The following ARID3A variants were observed in gnomAD, a reference collection of about 807,000 sequenced individuals.
The protein encoded by ARID3A is AT-rich interactive domain-containing protein 3A.
Under a neutral mutation model 52.7 loss-of-function variants are expected in ARID3A, and 11 were observed. The ratio of observed to expected loss-of-function variants is 0.21; its 90% CI spans 0.13 to 0.35. The LOEUF is 0.35. Among genes scored for constraint, ARID3A ranks in the 10% least tolerant of loss-of-function variants. The pLI, the probability that ARID3A is intolerant of heterozygous loss-of-function variation, is 1.00. For missense variants in ARID3A, 721 were observed against 838.5 expected, an observed-to-expected ratio of 0.86 and a Z score of 1.73; for synonymous variants, 404 against 359.4, an observed-to-expected ratio of 1.12 and a Z score of -1.40.
intron 7 of ARID3A, among the ~76,000 whole-genome samples, chr19:967,902 G>A (rs1470485612): frequency 6.6e-5 from 10 of 151,152 alleles, no homozygotes; most frequent in Admixed American, 5.9e-4. Flanking sequence ...AAAATTAGCC[G>A]GGTGTGCTGG....
Position 975,464 on chromosome 19 carries a change from A to C in ARID3A, c.*3399A>C, listed in dbSNP as rs1263637193. On this transcript the variant is annotated 3_prime_UTR_variant, in exon 9 of 9. Transcript: ENST00000263620. ...TACCCACCTTGTCCCTTTTTTCCCCAATTGTGCTTTTGCATTTTTTTCCTT... is the reference window on the plus strand; with the variant it reads ...TACCCACCTTGTCCCTTTTTTCCCCCATTGTGCTTTTGCATTTTTTTCCTT... 4 of 228,900 alleles carry C rather than the reference A, an allele frequency of 1.7e-5. No individual in the cohort carries two copies. Among genetic ancestry groups the C allele is most frequent in the Non-Finnish European group, 3.5e-5 (4 of 115,432 alleles). 14.2% of individuals were successfully genotyped at this position (228,900 alleles called of 1,614,324 possible). A position where few individuals can be genotyped will look rare whatever the true frequency, so the allele number is the denominator to read the frequency against.
At chr19:936,917 C>G (rs1458147570) in intron 3 of ARID3A, among the ~76,000 whole-genome samples, 1 of 152,092 alleles carries the variant, frequency 6.6e-6, no homozygotes, top group Non-Finnish European at 1.5e-5. Context: ...CAGCCCCTGG[C>G]AACCACACAT....
chr19:963,428 C>T (rs1330414557), intron 4 of ARID3A, among the ~76,000 whole-genome samples: 2 of 152,226 alleles, frequency 1.3e-5, no homozygotes, highest in Admixed American at 6.5e-5. Flanking sequence ...GTGGGTCTTG[C>T]CTACTGTCAG....
At position 947,330 on chromosome 19, in the gene ARID3A, C is replaced by T. The variant is rs967193269; in HGVS notation, c.694-12762C>T. Among the ~76,000 whole-genome samples the T allele has an allele frequency of 2.0e-5, 3 of 152,158 alleles. No individual in the cohort carries two copies. Among genetic ancestry groups the T allele is most frequent in the Non-Finnish European group, 2.9e-5 (2 of 68,026 alleles). On this transcript the variant is annotated intron_variant, in intron 3 of 8. Transcript: ENST00000263620. This position sits in a 1 kb window ranked among gnomAD's most constrained non-coding sequence, Gnocchi z 6.3. ...CCCAGATTTCCACGTCATATCTCGC[C>T]GCCATGGGGCTGCCTCCTGCCTCCT... is the stretch of plus-strand genomic sequence containing the variant.
chr19:929,388 CTGCACT>C lies in ARID3A; in HGVS notation c.-140_-135del. On this transcript the variant is annotated 5_prime_UTR_variant, in exon 2 of 9. Transcript: ENST00000263620. This position sits in a 1 kb window ranked among gnomAD's most constrained non-coding sequence, Gnocchi z 6.2. ...GCCCCCGCCCCCGCCCCCTGCCACC[CTGCACT>C]GCCCCGGCTCCCCCGCGGCCCCCAC... 3 of 895,024 alleles carry C rather than the reference CTGCACT, an allele frequency of 3.4e-6. No individual in the cohort carries two copies. The highest frequency in any genetic ancestry group is 4.3e-6 in the Non-Finnish European group (3 of 694,432). 55.4% of individuals were successfully genotyped at this position (895,024 alleles called of 1,614,324 possible). A position where few individuals can be genotyped will look rare whatever the true frequency, so the allele number is the denominator to read the frequency against.
At chr19:962,315 G>T (rs983901240) in intron 4 of ARID3A, among the ~76,000 whole-genome samples, 1 of 151,994 alleles carries the variant, frequency 6.6e-6, no homozygotes, top group Non-Finnish European at 1.5e-5. Context: ...TGAGGGAGGG[G>T]TCCTGACCAC....
intron 3 of ARID3A, among the ~76,000 whole-genome samples, chr19:945,293 A>T (rs929167988): frequency 6.6e-6 from 1 of 152,202 alleles, no homozygotes; most frequent in African/African-American, 2.4e-5. Flanking sequence ...GAAGGAGTGC[A>T]GCTCTTGTGA....
rs560847999 is a variant in ARID3A at position 960,019 on chromosome 19, C to T, written c.694-73C>T. ...GCTCCTGTCCTCCTGACCTGGCCTCCAGTGCAGGAGGGACATGGTTCCCAC... is the reference window on the plus strand; with the variant it reads ...GCTCCTGTCCTCCTGACCTGGCCTCTAGTGCAGGAGGGACATGGTTCCCAC... On this transcript the variant is annotated intron_variant, in intron 3 of 8. Coordinates refer to ENST00000263620, the MANE Select transcript of ARID3A (RefSeq NM_005224.3). The surrounding 1 kb of genome is among the most constrained non-coding windows in gnomAD (Gnocchi z 4.3). The T allele has an allele frequency of 5.8e-6, 8 of 1,375,624 alleles. No homozygotes were observed. The East Asian group carries it at 1.7e-4, about 29-fold the overall frequency. 85.2% of individuals were successfully genotyped at this position (1,375,624 alleles called of 1,614,324 possible).
At chr19:932,359 C>T (rs1310474054) in intron 2 of ARID3A, 59 bp from the exon 3 acceptor site, 2 of 1,563,856 alleles carry the variant, frequency 1.3e-6, no homozygotes, top group African/African-American at 2.8e-5. Context: ...GTGGGTCTTT[C>T]CTTGGGCTGG....
At chr19:961,409 GC>G (rs2038038128) in intron 4 of ARID3A, among the ~76,000 whole-genome samples, 1 of 152,212 alleles carries the variant, frequency 6.6e-6, no homozygotes, top group Non-Finnish European at 1.5e-5. Context: ...CTGGGCGGGG[GC>G]CCCTCCTGTG....
chr19:936,871 C>CT (rs2037449275), intron 3 of ARID3A, among the ~76,000 whole-genome samples: 1 of 151,410 alleles, frequency 6.6e-6, no homozygotes, highest in African/African-American at 2.4e-5. Context: ...AACCCTGACC[C>CT]TTTAACTATT....
In ARID3A at chr19:932,683, GCC is replaced by G; in HGVS notation, c.637_638del (p.Pro213AlafsTer6). 1 of 1,546,604 alleles carries G rather than the reference GCC, an allele frequency of 6.5e-7. No individual in the cohort carries two copies. Among genetic ancestry groups the G allele is most frequent in the Non-Finnish European group, 8.7e-7 (1 of 1,146,256 alleles). On this transcript the variant is annotated frameshift_variant, in exon 3 of 9. Coordinates refer to ENST00000263620, the MANE Select transcript of ARID3A (RefSeq NM_005224.3). LOFTEE classifies it high-confidence loss of function. The stretch of plus-strand genomic sequence containing the variant: ...CCACCCCGGAGGGGCCGCCCACGTA[GCC>G]CCGCAGCTGCAGCCGCCTGACCACG... ...PAHPGGAAHV[A>X]PQLQPPDHGD... is the part of the protein sequence containing the mutation.
At chr19:934,357 G>A (rs1331981869) in intron 3 of ARID3A, among the ~76,000 whole-genome samples, 1 of 152,192 alleles carries the variant, frequency 6.6e-6, no homozygotes, top group African/African-American at 2.4e-5. Flanking sequence ...GACCAGGCAG[G>A]GATGAGGGGC....
intron 7 of ARID3A, among the ~76,000 whole-genome samples, chr19:968,156 C>T (rs1305094813): frequency 2.6e-5 from 4 of 151,774 alleles, no homozygotes; most frequent in East Asian, 3.9e-4. Context: ...GTCAAGAGAT[C>T]GAGACCATCC....
intron 3 of ARID3A, among the ~76,000 whole-genome samples, chr19:940,393 A>G (rs923799191): frequency 5.3e-5 from 8 of 151,976 alleles, no homozygotes; most frequent in Non-Finnish European, 1.0e-4. Context: ...GGGTCAGTCA[A>G]GCTCTCGGTG....
In ARID3A at chr19:929,672, G is replaced by T; in HGVS notation, c.144G>T (p.Glu48Asp). 1 of 1,554,066 alleles carries T rather than the reference G, an allele frequency of 6.4e-7. No homozygotes were observed. The highest frequency in any genetic ancestry group is 8.6e-7 in the Non-Finnish European group (1 of 1,158,064). The part of the protein sequence containing the change: ...RARAAPDEDR[E>D]PESARMQRAQ... ...GGGCTGCCCCCGACGAGGACAGAGAGCCCGAGAGTGCCCGGATGCAGCGGG... is the reference window on the plus strand; with the variant it reads ...GGGCTGCCCCCGACGAGGACAGAGATCCCGAGAGTGCCCGGATGCAGCGGG... The change falls in exon 2 of 9, where the codon GAG becomes GAT. Residue 48 changes from glutamate (E) to aspartate (D), a missense_variant. Glu to Asp is a conservative substitution (Grantham distance 45). This residue lies in a region of ARID3A where 349 missense variants were observed against 297.3 expected (regional missense o/e 1.17). Transcript: ENST00000263620. The surrounding 1 kb of genome is among the most constrained non-coding windows in gnomAD (Gnocchi z 6.2).
chr19:955,939 C>G (rs2037907641), intron 3 of ARID3A, among the ~76,000 whole-genome samples: 1 of 152,144 alleles, frequency 6.6e-6, no homozygotes, highest in African/African-American at 2.4e-5. Context: ...GGGCTGCGCT[C>G]CCTCCAGGGG....
At chr19:968,299 C>T (rs2038203586) in intron 7 of ARID3A, 106 bp from the exon 8 acceptor site, 1 of 879,416 alleles carries the variant, frequency 1.1e-6, no homozygotes. Flanking sequence ...GCAGAGCTTG[C>T]AGTGAGCTGA....
Position 947,136 on chromosome 19 carries a change from C to A in ARID3A, c.694-12956C>A. Among the ~76,000 whole-genome samples the A allele has an allele frequency of 6.6e-6, 1 of 152,134 alleles. No individual in the cohort carries two copies. The highest frequency in any genetic ancestry group is 1.5e-5 in the Non-Finnish European group (1 of 68,012). ...ATTGAAATGTTTGCTGGGTGCCCCC[C>A]ATTGCTGGGCACCGTGGGGTGGGGT... On this transcript the variant is annotated intron_variant, in intron 3 of 8. Coordinates refer to ENST00000263620, the MANE Select transcript of ARID3A (RefSeq NM_005224.3). The surrounding 1 kb of genome is among the most constrained non-coding windows in gnomAD (Gnocchi z 6.3).
Sources: allele counts gnomAD v4.1 joint callset (sites outside exome capture counted in the v4.1 genomes callset), GRCh38; gene constraint gnomAD v4.1.1; regional missense constraint gnomAD v4.1.1; non-coding constraint Gnocchi (gnomAD v3.1); transcripts MANE v1.5; gene names NCBI Gene and HGNC (gene_info 2026-07-23, HGNC 2026-07-21).